The following DOK6 variants were observed in gnomAD, a reference collection of about 807,000 sequenced individuals.
DOK6 encodes the protein docking protein 6, also known as downstream of tyrosine kinase 6.
In DOK6, 22 loss-of-function variants were observed where a neutral mutation model predicts 44.0. The ratio of observed to expected loss-of-function variants is 0.50; its 90% CI spans 0.36 to 0.71. The LOEUF is 0.71. DOK6 is among the 30% of genes least tolerant of loss of function. The probability of loss-of-function intolerance (pLI) is 0.00; values close to 1 mark genes in which losing one functional copy is unlikely to be tolerated. For synonymous variants in DOK6, 166 were observed against 145.5 expected (o/e 1.14, Z -1.01); for missense variants, 340 against 416.4 (o/e 0.82, Z 1.60).
At chr18:69,762,877 C>A (rs1295970438) in intron 7 of DOK6, among the ~76,000 whole-genome samples, 1 of 152,200 alleles carries the variant, frequency 6.6e-6, no homozygotes, top group Admixed American at 6.5e-5. Flanking sequence ...CTGCATCTAC[C>A]TTCATCTTTG....
chr18:69,646,050 T>C (rs527787443), intron 3 of DOK6, among the ~76,000 whole-genome samples: 5 of 152,316 alleles, frequency 3.3e-5, no homozygotes, highest in African/African-American at 1.2e-4. Flanking sequence ...ATTTATTATA[T>C]GTATTTATTC....
At chr18:69,613,405 C>T (rs1157221036) in intron 3 of DOK6, among the ~76,000 whole-genome samples, 2 of 151,954 alleles carry the variant, frequency 1.3e-5, no homozygotes, top group Admixed American at 1.3e-4. Flanking sequence ...TGAGTATGTC[C>T]CAGTCTCAAG....
intron 5 of DOK6, among the ~76,000 whole-genome samples, chr18:69,726,852 TAAAAAAAAA>T (rs35924499): frequency 1.5e-5 from 2 of 131,754 alleles, no homozygotes; most frequent in Non-Finnish European, 3.3e-5. Flanking sequence ...TGATCCTTTT[TAAAAAAAAA>T]AAAAAAAAAT....
chr18:69,652,760 C>T (rs1348838277), intron 3 of DOK6, among the ~76,000 whole-genome samples: 2 of 152,046 alleles, frequency 1.3e-5, no homozygotes, highest in African/African-American at 2.4e-5. Flanking sequence ...GTTCAAGCAG[C>T]GTACATACAG....
rs1275365692 is a variant in DOK6, at chr18:69,401,062, G to A, written c.-183G>A. 1 of 303,854 alleles carries A rather than the reference G, an allele frequency of 3.3e-6. No individual in the cohort carries two copies. Among genetic ancestry groups the A allele is most frequent in the Non-Finnish European group, 5.3e-6 (1 of 187,490 alleles). The allele number at this position is 303,854 out of a possible 1,614,324, so 18.8% of individuals were successfully genotyped here. A position where few individuals can be genotyped will look rare whatever the true frequency, so the allele number is the denominator to read the frequency against. ...CTCGCGGCGCCGGGCCCCGTTCCCC[G>A]TCCGCGGCGGCCCTGCAGGCGACCC... is the stretch of plus-strand genomic sequence containing the variant. On this transcript the variant is annotated 5_prime_UTR_variant, in exon 1 of 8. Transcript: ENST00000382713.
intron 7 of DOK6, among the ~76,000 whole-genome samples, chr18:69,775,820 A>C (rs1186085426): frequency 6.6e-6 from 1 of 151,958 alleles, no homozygotes; most frequent in Non-Finnish European, 1.5e-5. Context: ...AAGATACAGG[A>C]ATGTTGAAAG....
chr18:69,699,260 A>G (rs11875338), intron 5 of DOK6, among the ~76,000 whole-genome samples: 123,134 of 152,128 alleles, frequency 0.81, 50,040 homozygotes, highest in East Asian at 0.98. Flanking sequence ...TAATGCTTCC[A>G]TCTTCACCCA....
At chr18:69,799,189 A>T (rs193004057) in intron 7 of DOK6, among the ~76,000 whole-genome samples, 2 of 152,190 alleles carry the variant, frequency 1.3e-5, no homozygotes, top group East Asian at 3.9e-4. Flanking sequence ...GTGAGCTAAA[A>T]GGAAATACTT....
chr18:69,608,718 G>A (rs537142372), intron 3 of DOK6, among the ~76,000 whole-genome samples: 24 of 151,976 alleles, frequency 1.6e-4, no homozygotes, highest in African/African-American at 5.8e-4. Flanking sequence ...TTGGGAGGCC[G>A]AGGCGGGTGG....
At chr18:69,501,331 C>T (rs8098165) in intron 1 of DOK6, among the ~76,000 whole-genome samples, 41,928 of 151,776 alleles carry the variant, frequency 0.28, 6,554 homozygotes, top group East Asian at 0.58. Flanking sequence ...AATCAAGCTC[C>T]GAATAAAAGA....
intron 1 of DOK6, among the ~76,000 whole-genome samples, chr18:69,545,129 A>AG (rs879472808): frequency 6.7e-6 from 1 of 149,372 alleles, no homozygotes; most frequent in Admixed American, 6.7e-5. Flanking sequence ...AAAAAAAAAA[A>AG]TTACAACCCA....
chr18:69,760,644 C>T (rs1293111457), intron 7 of DOK6, among the ~76,000 whole-genome samples: 2 of 151,748 alleles, frequency 1.3e-5, no homozygotes, highest in East Asian at 1.9e-4. Context: ...TATTACTTCT[C>T]CCTACTCCTG....
chr18:69,410,475 C>G (rs867964383), intron 1 of DOK6, among the ~76,000 whole-genome samples: 1 of 152,150 alleles, frequency 6.6e-6, no homozygotes, highest in Non-Finnish European at 1.5e-5. Flanking sequence ...GTTGTTAGTG[C>G]GAAGACCTCT....
chr18:69,831,761 C>A (rs928918700), intron 7 of DOK6, among the ~76,000 whole-genome samples: 8 of 152,130 alleles, frequency 5.3e-5, no homozygotes, highest in Non-Finnish European at 1.2e-4. Context: ...CAAATCATAA[C>A]CATACTAGTC....
intron 1 of DOK6, among the ~76,000 whole-genome samples, chr18:69,420,028 T>A (rs1978442788): frequency 6.6e-6 from 1 of 152,184 alleles, no homozygotes; most frequent in Admixed American, 6.6e-5. Context: ...TATTCGATGT[T>A]TAATTTTTAC....
chr18:69,441,641 C>A (rs1230701760), intron 1 of DOK6, among the ~76,000 whole-genome samples: 2 of 152,054 alleles, frequency 1.3e-5, no homozygotes, highest in Non-Finnish European at 2.9e-5. Context: ...TTGAGCCCAC[C>A]AGAACATGCA....
At position 69,490,701 on chromosome 18, in the gene DOK6, CA is replaced by C. The variant is rs1004372418; in HGVS notation, c.67-73780del. Among the ~76,000 whole-genome samples, 4 of 151,978 alleles carry C rather than the reference CA, an allele frequency of 2.6e-5. 1 individual carries two copies. The highest frequency in any genetic ancestry group is 4.4e-5 in the Non-Finnish European group (3 of 67,986). ...CTCCATTATGTGCAACTAAAACAAG[CA>C]AAAAATATAAATATAAATATAACTG... On this transcript the variant is annotated intron_variant, in intron 1 of 7. Coordinates refer to ENST00000382713, the MANE Select transcript of DOK6 (RefSeq NM_152721.6).
At chr18:69,674,664 A>G (rs779255054) in intron 3 of DOK6, among the ~76,000 whole-genome samples, 11 of 152,084 alleles carry the variant, frequency 7.2e-5, no homozygotes, top group Non-Finnish European at 1.3e-4. Context: ...ACACTGATAT[A>G]CACGCACGCT....
At chr18:69,797,442 A>G (rs1620083) in intron 7 of DOK6, among the ~76,000 whole-genome samples, 65,325 of 151,970 alleles carry the variant, frequency 0.43, 15,954 homozygotes, top group East Asian at 0.59. Flanking sequence ...ATTAAGGCAG[A>G]ATATAAACAA....
Sources: gnomAD v4.1 joint callset for allele counts (sites outside exome capture counted in the v4.1 genomes callset) on GRCh38, gnomAD v4.1.1 for gene constraint, MANE v1.5 for transcripts, NCBI Gene and HGNC (gene_info 2026-07-23, HGNC 2026-07-21) for gene names.